ADAMTSL1: variants seen among roughly 807,000 people sequenced by gnomAD.
ADAMTSL1 encodes ADAMTS like 1.
ADAMTSL1 carries 126 observed loss-of-function variants against 201.8 expected under a neutral mutation model. The observed-to-expected ratio is 0.62, with a 90% CI of 0.54 to 0.72. The LOEUF (loss-of-function observed/expected upper bound fraction) is 0.72, where lower values mean the gene tolerates loss of function less well. Ranked by LOEUF, ADAMTSL1 falls within the 30% of genes least tolerant of loss-of-function variation. The probability of loss-of-function intolerance (pLI) is 0.00; values close to 1 mark genes in which losing one functional copy is unlikely to be tolerated. For missense variants in ADAMTSL1, 2,679 were observed against 2,277.8 expected (o/e 1.18, Z -3.59); for synonymous variants, 1,121 against 903.4 (o/e 1.24, Z -4.32).
At chr9:18,062,718 C>G (rs139508153) in intron 1 of ADAMTSL1, among the ~76,000 whole-genome samples, 165 of 151,942 alleles carry the variant, frequency 1.1e-3, no homozygotes, top group African/African-American at 3.7e-3. Context: ...TATATTTTAT[C>G]CCTTCAATCT....
chr9:18,547,633 T>TAAAAAAAAAAAAAA (rs56789652), intron 3 of ADAMTSL1, among the ~76,000 whole-genome samples: 1 of 86,264 alleles, frequency 1.2e-5, no homozygotes, highest in African/African-American at 5.2e-5. Flanking sequence ...TATATATATA[T>TAAAAAAAAAAAAAA]AAAAAAAAAA....
At chr9:18,539,924 C>T (rs1205972591) in intron 3 of ADAMTSL1, among the ~76,000 whole-genome samples, 1 of 152,104 alleles carries the variant, frequency 6.6e-6, no homozygotes, top group Non-Finnish European at 1.5e-5. Context: ...AGAAGTACCA[C>T]AAAAAACTCA....
chr9:18,881,159 G>A (rs540470643), intron 23 of ADAMTSL1, among the ~76,000 whole-genome samples: 1 of 152,328 alleles, frequency 6.6e-6, no homozygotes, highest in Admixed American at 6.5e-5. Flanking sequence ...TATCAGCAAT[G>A]AGACTATTTT....
chr9:18,517,309 A>G (rs1348790958), intron 2 of ADAMTSL1, among the ~76,000 whole-genome samples: 2 of 152,168 alleles, frequency 1.3e-5, no homozygotes, highest in Non-Finnish European at 2.9e-5. Context: ...AACACAACTT[A>G]TAATAAATAT....
At chr9:18,594,284 A>G (rs537160916) in intron 4 of ADAMTSL1, among the ~76,000 whole-genome samples, 1 of 151,838 alleles carries the variant, frequency 6.6e-6, no homozygotes, top group Non-Finnish European at 1.5e-5. Flanking sequence ...TTCTGCTTTC[A>G]GGATTCTTTT....
chr9:18,852,950 A>G (rs1826592211), intron 23 of ADAMTSL1, among the ~76,000 whole-genome samples: 1 of 152,214 alleles, frequency 6.6e-6, no homozygotes, highest in Admixed American at 6.5e-5. Flanking sequence ...TATTCAGGGA[A>G]GATTCTGGAC....
intron 2 of ADAMTSL1, among the ~76,000 whole-genome samples, chr9:18,403,922 A>G (rs963779155): frequency 6.6e-6 from 1 of 152,174 alleles, no homozygotes; most frequent in African/African-American, 2.4e-5. Flanking sequence ...GGCAGGGGTT[A>G]TAGTGATATG....
intron 9 of ADAMTSL1, among the ~76,000 whole-genome samples, chr9:18,662,867 G>A (rs1829189038): frequency 6.6e-6 from 1 of 152,144 alleles, no homozygotes; most frequent in South Asian, 2.1e-4. Context: ...CTTTAGTATA[G>A]TGTAGCTTAC....
At chr9:18,303,673 A>G (rs1271623186) in intron 2 of ADAMTSL1, among the ~76,000 whole-genome samples, 1 of 152,182 alleles carries the variant, frequency 6.6e-6, no homozygotes, top group African/African-American at 2.4e-5. Flanking sequence ...AGAGCGCGGA[A>G]AGGCAGGGAT....
At position 18,152,161 on chromosome 9, in the gene ADAMTSL1, A is replaced by G. The variant is rs376918805; in HGVS notation, c.88-11701A>G. On this transcript the variant is annotated intron_variant, in intron 1 of 29. Transcript: ENST00000680146. ...GTAATTTACTCAAAGCACACAGCAG[A>G]GAGGTGGTAAACCAGGACTTCCACC... is the stretch of plus-strand genomic sequence containing the variant. Among the ~76,000 whole-genome samples, 8 of 152,106 alleles carry G rather than the reference A, an allele frequency of 5.3e-5. No individual in the cohort carries two copies. The East Asian group carries it at 7.7e-4, about 15-fold the overall frequency.
rs546679485 is a variant in ADAMTSL1, at chr9:18,564,153, G to A, written c.238-9877G>A. Among the ~76,000 whole-genome samples, 22 of 152,336 alleles carry A rather than the reference G, an allele frequency of 1.4e-4. No homozygotes were observed. The East Asian group carries it at 3.5e-3, about 24-fold the overall frequency. On this transcript the variant is annotated intron_variant, in intron 3 of 28. Transcript: ENST00000380548. ...GGGCCCTGGTTGCGTGGGCACCTGA[G>A]AGAATATCCTGGTCTGCGCATTGCA...
At chr9:18,181,426 A>C (rs565479387) in intron 2 of ADAMTSL1, among the ~76,000 whole-genome samples, 15 of 152,326 alleles carry the variant, frequency 9.8e-5, no homozygotes, top group South Asian at 8.3e-4. Flanking sequence ...CAATGAACTC[A>C]AACAAATTTA....
At chr9:18,820,771 T>C (rs1824161613) in intron 21 of ADAMTSL1, among the ~76,000 whole-genome samples, 1 of 152,252 alleles carries the variant, frequency 6.6e-6, no homozygotes, top group Admixed American at 6.5e-5. Context: ...AGGCTTTTTC[T>C]TGAAAAGTGA....
At chr9:18,896,508 A>G (rs1199225396) in intron 26 of ADAMTSL1, among the ~76,000 whole-genome samples, 2 of 152,162 alleles carry the variant, frequency 1.3e-5, no homozygotes, top group Non-Finnish European at 2.9e-5. Flanking sequence ...TGGGGAGTCA[A>G]TTTGGCACCT....
intron 23 of ADAMTSL1, among the ~76,000 whole-genome samples, chr9:18,878,145 A>C (rs910636089): frequency 6.6e-6 from 1 of 152,092 alleles, no homozygotes; most frequent in African/African-American, 2.4e-5. Context: ...CACCAAGTTT[A>C]TTTGCAGGCA....
intron 4 of ADAMTSL1, among the ~76,000 whole-genome samples, chr9:18,580,838 G>T (rs1249053704): frequency 6.6e-6 from 1 of 152,144 alleles, no homozygotes; most frequent in African/African-American, 2.4e-5. Flanking sequence ...TGTGAGAGGA[G>T]ATAAGTAAAT....
At chr9:18,393,872 T>C (rs72686884) in intron 2 of ADAMTSL1, among the ~76,000 whole-genome samples, 681 of 152,300 alleles carry the variant, frequency 4.5e-3, no homozygotes, top group Non-Finnish European at 7.2e-3. Flanking sequence ...TCCTGGATGA[T>C]ACCATCCGGC....
intron 1 of ADAMTSL1, among the ~76,000 whole-genome samples, chr9:17,961,301 T>C (rs1386413223): frequency 6.6e-6 from 1 of 152,020 alleles, no homozygotes; most frequent in East Asian, 1.9e-4. Flanking sequence ...CAGGCTGGAG[T>C]GTAATGACGC....
chr9:18,039,619 G>T (rs530307176), intron 1 of ADAMTSL1, among the ~76,000 whole-genome samples: 1 of 152,062 alleles, frequency 6.6e-6, no homozygotes, highest in South Asian at 2.1e-4. Flanking sequence ...TAGTTTCCAA[G>T]CCTATTACTG....
Sources: gnomAD v4.1 joint callset for allele counts (sites outside exome capture counted in the v4.1 genomes callset) on GRCh38, gnomAD v4.1.1 for gene constraint, MANE v1.5 for transcripts, NCBI Gene and HGNC (gene_info 2026-07-23, HGNC 2026-07-21) for gene names.